The following DIP2C variants were observed in gnomAD, a reference collection of about 807,000 sequenced individuals.
DIP2C encodes disco-interacting protein 2 homolog C.
DIP2C carries 33 observed loss-of-function variants against 192.4 expected under a neutral mutation model. That is an observed-to-expected ratio of 0.17 (90% CI 0.13 to 0.23). The LOEUF (loss-of-function observed/expected upper bound fraction) is 0.23. DIP2C is among the 10% of genes least tolerant of loss of function. The pLI is 1.00. For missense variants in DIP2C, 1,537 were observed against 2,110.1 expected (o/e 0.73, Z 5.32); for synonymous variants, 979 against 864.1 (o/e 1.13, Z -2.33).
At chr10:512,629 G>A (rs2130778908) in intron 1 of DIP2C, among the ~76,000 whole-genome samples, 1 of 152,010 alleles carries the variant, frequency 6.6e-6, no homozygotes, top group Non-Finnish European at 1.5e-5. Context: ...TTATAGAAAG[G>A]AGCTGGCCGG....
chr10:472,665 G>A (rs1351430098), intron 2 of DIP2C, 116 bp from the exon 3 acceptor site: 3 of 897,642 alleles, frequency 3.3e-6, no homozygotes, highest in Non-Finnish European at 5.2e-6. Flanking sequence ...CACGGGACTG[G>A]GCATGGCGGC....
In DIP2C at chr10:422,876, C is replaced by A; in HGVS notation, c.552G>T (p.Gly184=). 1 of 1,613,460 alleles carries A rather than the reference C, an allele frequency of 6.2e-7. No homozygotes were observed. The highest frequency in any genetic ancestry group is 8.5e-7 in the Non-Finnish European group (1 of 1,180,004). The part of the protein sequence containing the change: ...STTSSSSTQS[G]GSGAAHRLAD... Reference sequence around the variant, plus strand: ...CCAGCCTGTGGGCAGCCCCGCTGCCCCCGCTCTGCGTAGAGGACGAGGAGG... The same window carrying A: ...CCAGCCTGTGGGCAGCCCCGCTGCCACCGCTCTGCGTAGAGGACGAGGAGG... The change falls in exon 5 of 37, where the codon GGG becomes GGT. Residue 184 remains glycine (G), a synonymous_variant. Coordinates refer to ENST00000280886, the MANE Select transcript of DIP2C (RefSeq NM_014974.3).
At chr10:425,313 G>A (rs1330558852) in intron 4 of DIP2C, among the ~76,000 whole-genome samples, 20 of 71,882 alleles carry the variant, frequency 2.8e-4, no homozygotes, top group South Asian at 5.4e-4. Context: ...CATGACCAGC[G>A]GTGACTAATG....
At chr10:410,797 C>G (rs1158417340) in intron 8 of DIP2C, among the ~76,000 whole-genome samples, 1 of 152,148 alleles carries the variant, frequency 6.6e-6, no homozygotes, top group African/African-American at 2.4e-5. Context: ...AAAACACATG[C>G]AAACTTTTGG....
chr10:662,086 C>T (rs928910343), intron 1 of DIP2C: 5 of 717,300 alleles, frequency 7.0e-6, no homozygotes, highest in African/African-American at 1.7e-5. Context: ...CGATTCTCTC[C>T]GAAGCCCTCA....
At chr10:621,110 C>A (rs1027960492) in intron 1 of DIP2C, among the ~76,000 whole-genome samples, 2 of 152,166 alleles carry the variant, frequency 1.3e-5, no homozygotes, top group Admixed American at 1.3e-4. Flanking sequence ...AGAGGGAGAC[C>A]CCGACCCAAG....
intron 1 of DIP2C, among the ~76,000 whole-genome samples, chr10:576,229 G>A (rs758701710): frequency 6.6e-6 from 1 of 152,236 alleles, no homozygotes; most frequent in Non-Finnish European, 1.5e-5. Context: ...CCAGGCAGCT[G>A]CAGAAGGAAG....
chr10:301,833 G>C (rs1461208224), intron 32 of DIP2C, among the ~76,000 whole-genome samples: 1 of 152,226 alleles, frequency 6.6e-6, no homozygotes, highest in Admixed American at 6.5e-5. Flanking sequence ...GGAGGCAAGA[G>C]AAGTGGGAGC....
intron 31 of DIP2C, among the ~76,000 whole-genome samples, chr10:326,226 C>A (rs1306036286): frequency 6.6e-6 from 1 of 152,116 alleles, no homozygotes; most frequent in African/African-American, 2.4e-5. Flanking sequence ...AAGCTTTTTG[C>A]AGCTACTTTT....
intron 4 of DIP2C, among the ~76,000 whole-genome samples, chr10:433,751 T>C (rs1024719512): frequency 1.3e-5 from 2 of 152,220 alleles, no homozygotes; most frequent in Admixed American, 6.5e-5. Context: ...TTGATCTATA[T>C]ATATTTCTTT....
chr10:554,576 G>C (rs542885883), intron 1 of DIP2C, among the ~76,000 whole-genome samples: 3 of 152,340 alleles, frequency 2.0e-5, no homozygotes, highest in Non-Finnish European at 2.9e-5. Context: ...GTGTTCCCGT[G>C]TTCTTGAGAC....
At chr10:469,356 G>A (rs565784501) in intron 3 of DIP2C, among the ~76,000 whole-genome samples, 53 of 137,454 alleles carry the variant, frequency 3.9e-4, no homozygotes, top group East Asian at 3.2e-3. Context: ...TCACTCTGTC[G>A]CCGAGGCTGG....
intron 6 of DIP2C, among the ~76,000 whole-genome samples, 173 bp from the exon 7 acceptor site, chr10:416,061 G>A (rs1174555261): frequency 1.3e-5 from 2 of 151,364 alleles, no homozygotes; most frequent in South Asian, 4.2e-4. Context: ...CCGTGGCTAG[G>A]CAGGAGACCG....
At chr10:399,068 T>C (rs1368905953) in intron 10 of DIP2C, 41 bp downstream of exon 10, 2 of 1,534,868 alleles carry the variant, frequency 1.3e-6, no homozygotes, top group South Asian at 1.1e-5. Flanking sequence ...GTGAAAGCCA[T>C]CTCACTCAGC....
chr10:588,710 C>T (rs994791926), intron 1 of DIP2C, among the ~76,000 whole-genome samples: 3 of 152,202 alleles, frequency 2.0e-5, no homozygotes, highest in African/African-American at 7.2e-5. Context: ...CTCCAGCTGC[C>T]GTCCCGCAGG....
intron 1 of DIP2C, among the ~76,000 whole-genome samples, chr10:634,587 C>T (rs1854725915): frequency 6.6e-6 from 1 of 152,006 alleles, no homozygotes; most frequent in Admixed American, 6.6e-5. Context: ...CCTGTCTCTA[C>T]TAAAAATACA....
At chr10:395,204 G>A (rs2132988325) in intron 10 of DIP2C, among the ~76,000 whole-genome samples, 2 of 151,826 alleles carry the variant, frequency 1.3e-5, no homozygotes, top group South Asian at 4.2e-4. Context: ...CCTCAGATTG[G>A]AGGAAGAGGT....
intron 3 of DIP2C, among the ~76,000 whole-genome samples, chr10:446,912 T>C (rs1255559867): frequency 6.6e-6 from 1 of 152,264 alleles, no homozygotes; most frequent in Non-Finnish European, 1.5e-5. Flanking sequence ...CAGGCAAAAC[T>C]ACACCACATC....
chr10:573,568 C>T lies in DIP2C; in HGVS notation c.86-87038G>A, dbSNP rs1849958667. On this transcript the variant is annotated intron_variant, in intron 1 of 36. Transcript: ENST00000280886. The stretch of plus-strand genomic sequence containing the variant: ...GGACTACAGGTGTGCAACCCTCACA[C>T]CCAGCTAATTTTTGTGTTCTCAGTA... Among the ~76,000 whole-genome samples, 2 of 152,132 alleles carry T rather than the reference C, an allele frequency of 1.3e-5. 1 individual carries two copies. The highest frequency in any genetic ancestry group is 4.8e-5 in the African/African-American group (2 of 41,436).
Sources: gnomAD v4.1 joint callset for allele counts (sites outside exome capture counted in the v4.1 genomes callset) on GRCh38, gnomAD v4.1.1 for gene constraint, MANE v1.5 for transcripts, NCBI Gene and HGNC (gene_info 2026-07-23, HGNC 2026-07-21) for gene names.